Variants in PEBP4 observed in about 807,000 individuals in gnomAD.
The protein encoded by PEBP4 is phosphatidylethanolamine binding protein 4, also known as phosphatidylethanolamine-binding protein 4.
PEBP4 carries 22 observed loss-of-function variants against 23.9 expected under a neutral mutation model. The ratio of observed to expected loss-of-function variants is 0.92; its 90% CI spans 0.66 to 1.31. PEBP4 has a LOEUF of 1.31. Ranked by LOEUF, PEBP4 falls within the 40% of genes most tolerant of loss-of-function variation. The pLI is 0.00. For synonymous variants in PEBP4, 112 were observed against 99.3 expected (o/e 1.13, Z -0.76); for missense variants, 324 against 281.7 (o/e 1.15, Z -1.07).
chr8:22,792,056 A>C (rs930894141), intron 4 of PEBP4, among the ~76,000 whole-genome samples: 1 of 149,732 alleles, frequency 6.7e-6, no homozygotes, highest in Non-Finnish European at 1.5e-5. Flanking sequence ...ACAGGGTCTC[A>C]CTATGTTGCC....
At chr8:22,715,326 A>T (rs1160648313) in intron 6 of PEBP4, among the ~76,000 whole-genome samples, 2 of 152,164 alleles carry the variant, frequency 1.3e-5, no homozygotes, top group African/African-American at 4.8e-5. Flanking sequence ...GAGCCTCTGC[A>T]CCCTAGGAGC....
chr8:22,842,064 T>C (rs1807340322), intron 3 of PEBP4, among the ~76,000 whole-genome samples: 1 of 152,234 alleles, frequency 6.6e-6, no homozygotes. Flanking sequence ...AACACAGTCT[T>C]GGTTATCAAA....
At chr8:22,810,713 T>TGTGTGA (rs1481451051) in intron 4 of PEBP4, among the ~76,000 whole-genome samples, 8 of 126,336 alleles carry the variant, frequency 6.3e-5, no homozygotes, top group Non-Finnish European at 8.3e-5. Flanking sequence ...TGTGTGTGTG[T>TGTGTGA]GAGAGAGAGA....
chr8:22,806,936 T>C (rs1296670080), intron 4 of PEBP4, among the ~76,000 whole-genome samples: 1 of 152,244 alleles, frequency 6.6e-6, no homozygotes, highest in Non-Finnish European at 1.5e-5. Flanking sequence ...AGGCATGATT[T>C]GTTTTTGGTG....
chr8:22,869,698 G>T (rs942479624), intron 3 of PEBP4, among the ~76,000 whole-genome samples: 8 of 152,172 alleles, frequency 5.3e-5, no homozygotes, highest in African/African-American at 1.9e-4. Context: ...AAAGAACTCT[G>T]AAAACATAAC....
chr8:22,862,560 G>T (rs1807799435), intron 3 of PEBP4, among the ~76,000 whole-genome samples: 1 of 152,078 alleles, frequency 6.6e-6, no homozygotes, highest in Non-Finnish European at 1.5e-5. Context: ...AGAGGGCTCT[G>T]GCAGTATTCA....
At chr8:22,893,740 A>C (rs575629522) in intron 3 of PEBP4, among the ~76,000 whole-genome samples, 2 of 152,318 alleles carry the variant, frequency 1.3e-5, no homozygotes, top group South Asian at 4.1e-4. Flanking sequence ...AATAGAAACT[A>C]TTCAAAATAA....
At chr8:22,743,674 G>A (rs1468526566) in intron 4 of PEBP4, among the ~76,000 whole-genome samples, 2 of 145,922 alleles carry the variant, frequency 1.4e-5, no homozygotes. Context: ...AATGGGCAGG[G>A]GACAGGGAGG....
At chr8:22,825,918 G>A (rs985843637) in intron 3 of PEBP4, among the ~76,000 whole-genome samples, 2 of 152,214 alleles carry the variant, frequency 1.3e-5, no homozygotes, top group African/African-American at 4.8e-5. Context: ...TATGCTAAGT[G>A]AAACAAGCCA....
intron 1 of PEBP4, among the ~76,000 whole-genome samples, chr8:22,933,290 AC>A (rs1228557945): frequency 2.0e-5 from 3 of 152,222 alleles, no homozygotes; most frequent in Non-Finnish European, 4.4e-5. Context: ...GTTGAGACAT[AC>A]AACAGACCAT....
chr8:22,751,571 G>A lies in PEBP4; in HGVS notation c.358-24351C>T, dbSNP rs988769909. On this transcript the variant is annotated intron_variant, in intron 4 of 6. Coordinates refer to ENST00000256404, the MANE Select transcript of PEBP4 (RefSeq NM_144962.3). ...TGCTGAAACAGGAGGCTTTGACTTG[G>A]ATAAGGAGGAGTGTGTCTGTGTGTG... Among the ~76,000 whole-genome samples the A allele has an allele frequency of 4.6e-5, 7 of 151,432 alleles. No individual in the cohort carries two copies. The South Asian group carries it at 1.3e-3, about 27-fold the overall frequency.
At chr8:22,882,582 C>T (rs557972092) in intron 3 of PEBP4, among the ~76,000 whole-genome samples, 126 of 152,298 alleles carry the variant, frequency 8.3e-4, no homozygotes, top group African/African-American at 2.8e-3. Context: ...AGAAAGCAGC[C>T]GCAAATGTGA....
intron 6 of PEBP4, among the ~76,000 whole-genome samples, chr8:22,722,839 C>G (rs1009405549): frequency 6.6e-6 from 1 of 151,138 alleles, no homozygotes; most frequent in African/African-American, 2.4e-5. Context: ...GTGGCGCGAT[C>G]TCAGCTCACT....
At chr8:22,896,286 T>C (rs1808588033) in intron 3 of PEBP4, 1 of 152,212 alleles carries the variant, frequency 6.6e-6, no homozygotes, top group Non-Finnish European at 1.5e-5. Context: ...TCAGGAATGG[T>C]TGAGTTTTGC....
intron 3 of PEBP4, among the ~76,000 whole-genome samples, chr8:22,876,733 A>G (rs918927787): frequency 6.6e-6 from 1 of 152,220 alleles, no homozygotes; most frequent in African/African-American, 2.4e-5. Flanking sequence ...GTTAGGAATT[A>G]TTTTCTCCAC....
intron 4 of PEBP4, among the ~76,000 whole-genome samples, chr8:22,740,760 C>T (rs1938842087): frequency 6.6e-6 from 1 of 152,186 alleles, no homozygotes; most frequent in African/African-American, 2.4e-5. Flanking sequence ...GGTTGGGTTC[C>T]TGGGTGTTCA....
At chr8:22,796,877 G>T (rs569939476) in intron 4 of PEBP4, among the ~76,000 whole-genome samples, 5 of 151,884 alleles carry the variant, frequency 3.3e-5, no homozygotes, top group African/African-American at 1.2e-4. Context: ...TACACTGAAA[G>T]CACAGACTTC....
At chr8:22,846,443 C>T (rs551812606) in intron 3 of PEBP4, among the ~76,000 whole-genome samples, 4 of 152,300 alleles carry the variant, frequency 2.6e-5, no homozygotes, top group Admixed American at 6.5e-5. Flanking sequence ...ATCATGGGAT[C>T]GTCATCACCC....
intron 3 of PEBP4, among the ~76,000 whole-genome samples, chr8:22,862,465 G>A (rs1233391045): frequency 2.0e-5 from 3 of 152,252 alleles, no homozygotes; most frequent in Non-Finnish European, 4.4e-5. Context: ...GGGACCAAGG[G>A]AAGACTTCAC....
Sources: allele counts gnomAD v4.1 joint callset (sites outside exome capture counted in the v4.1 genomes callset), GRCh38; gene constraint gnomAD v4.1.1; transcripts MANE v1.5; gene names NCBI Gene and HGNC (gene_info 2026-07-23, HGNC 2026-07-21).